Variants in ARSB observed in about 807,000 individuals in gnomAD.
ARSB encodes N-acetylgalactosamine-4-sulfatase.
ARSB carries 41 observed loss-of-function variants against 50.9 expected under a neutral mutation model. The observed-to-expected ratio is 0.81, with a 90% CI of 0.63 to 1.04. The LOEUF is 1.04. Among genes scored for constraint, ARSB ranks in the 50% least tolerant of loss-of-function variants. ARSB has a pLI of 0.00. For missense variants in ARSB, 672 were observed against 693.3 expected (o/e 0.97, Z 0.35); for synonymous variants, 269 against 284.8 (o/e 0.94, Z 0.56).
At chr5:78,785,230 G>A (rs1369931712) in intron 6 of ARSB, among the ~76,000 whole-genome samples, 1 of 149,860 alleles carries the variant, frequency 6.7e-6, no homozygotes, top group Non-Finnish European at 1.5e-5. Context: ...GGCTTAATTT[G>A]TTATTTTTTT....
intron 6 of ARSB, among the ~76,000 whole-genome samples, chr5:78,826,323 G>A (rs1744431239): frequency 6.6e-6 from 1 of 152,114 alleles, no homozygotes; most frequent in South Asian, 2.1e-4. Flanking sequence ...GGGATTACAG[G>A]CATGAGCCAC....
chr5:78,852,407 A>G (rs1460292222), intron 5 of ARSB, among the ~76,000 whole-genome samples: 2 of 152,164 alleles, frequency 1.3e-5, no homozygotes, highest in South Asian at 4.1e-4. Context: ...TGGCTTGTAG[A>G]GTTTCTGCCA....
intron 5 of ARSB, among the ~76,000 whole-genome samples, chr5:78,845,982 C>T (rs1745426446): frequency 6.6e-6 from 1 of 152,076 alleles, no homozygotes; most frequent in Admixed American, 6.6e-5. Context: ...AGCATTTCTC[C>T]TATGTTTTCT....
intron 5 of ARSB, among the ~76,000 whole-genome samples, chr5:78,855,512 G>A (rs1746094059): frequency 6.6e-6 from 1 of 152,182 alleles, no homozygotes; most frequent in Non-Finnish European, 1.5e-5. Context: ...GGGCAGTTCA[G>A]CAATGGCTTA....
intron 5 of ARSB, among the ~76,000 whole-genome samples, chr5:78,865,151 T>G (rs1581061793): frequency 6.6e-6 from 1 of 152,058 alleles, no homozygotes; most frequent in Non-Finnish European, 1.5e-5. Context: ...TTCCCTTCCA[T>G]CCTGCCCTAG....
intron 5 of ARSB, among the ~76,000 whole-genome samples, chr5:78,870,900 G>A (rs1747126679): frequency 6.6e-6 from 1 of 152,194 alleles, no homozygotes; most frequent in African/African-American, 2.4e-5. Context: ...TTACATGATT[G>A]TTTATCTAGA....
At chr5:78,891,828 T>G (rs941436778) in intron 4 of ARSB, among the ~76,000 whole-genome samples, 5 of 152,194 alleles carry the variant, frequency 3.3e-5, no homozygotes, top group Non-Finnish European at 7.4e-5. Flanking sequence ...AAATGATGAC[T>G]AGGTATAAAC....
chr5:78,923,345 C>T (rs1481269413), intron 4 of ARSB, among the ~76,000 whole-genome samples: 7 of 152,218 alleles, frequency 4.6e-5, no homozygotes, highest in Admixed American at 3.3e-4. Context: ...CACATGTGAG[C>T]CCCTCAGTGT....
At chr5:78,823,302 A>G (rs1275971080) in intron 6 of ARSB, among the ~76,000 whole-genome samples, 1 of 152,158 alleles carries the variant, frequency 6.6e-6, no homozygotes, top group East Asian at 1.9e-4. Context: ...CCCAGTGACT[A>G]CTTTGGCCTG....
chr5:78,908,935 G>A (rs183281282), intron 4 of ARSB, among the ~76,000 whole-genome samples: 1 of 152,220 alleles, frequency 6.6e-6, no homozygotes, highest in African/African-American at 2.4e-5. Flanking sequence ...GCTTGAGGGA[G>A]TTAAATAAAA....
intron 4 of ARSB, among the ~76,000 whole-genome samples, chr5:78,913,781 T>A (rs1229804994): frequency 1.3e-5 from 2 of 152,006 alleles, no homozygotes; most frequent in African/African-American, 4.8e-5. Flanking sequence ...GGAAAAAAAA[T>A]TTCTTTGCTA....
chr5:78,874,715 A>T (rs1000571345), intron 5 of ARSB, among the ~76,000 whole-genome samples: 1 of 152,210 alleles, frequency 6.6e-6, no homozygotes, highest in Admixed American at 6.5e-5. Flanking sequence ...TCATAAAGAA[A>T]AACCTAACAC....
intron 4 of ARSB, among the ~76,000 whole-genome samples, chr5:78,947,888 T>G (rs573468889): frequency 6.6e-6 from 1 of 152,296 alleles, no homozygotes; most frequent in South Asian, 2.1e-4. Context: ...AACCTAAGTG[T>G]CCATCAACAG....
chr5:78,967,566 A>G (rs959881715), intron 2 of ARSB, among the ~76,000 whole-genome samples: 1 of 151,932 alleles, frequency 6.6e-6, no homozygotes, highest in Non-Finnish European at 1.5e-5. Flanking sequence ...CCAGCTACTC[A>G]GGAGGCTGAG....
At chr5:78,957,828 A>C (rs977342804) in intron 3 of ARSB, among the ~76,000 whole-genome samples, 1 of 152,024 alleles carries the variant, frequency 6.6e-6, no homozygotes, top group Non-Finnish European at 1.5e-5. Flanking sequence ...CTGACAGTGC[A>C]GTATGGGTCT....
Position 78,941,969 on chromosome 5 carries a change from T to C in ARSB, c.898+13326A>G, listed in dbSNP as rs577657314. 2.2e-3 allele frequency among the ~76,000 whole-genome samples: 328 copies of C among 152,336 alleles called. 2 individuals carry two copies. Among genetic ancestry groups the C allele is most frequent in the African/African-American group, 7.6e-3 (315 of 41,570 alleles). On this transcript the variant is annotated intron_variant, in intron 4 of 7. Coordinates refer to ENST00000264914, the MANE Select transcript of ARSB (RefSeq NM_000046.5). ...TTGTCACAATTTCAGAGCCTGTTATTGGTCTATTCAGAGATTCAACTTCTT... is the reference window on the plus strand; with the variant it reads ...TTGTCACAATTTCAGAGCCTGTTATCGGTCTATTCAGAGATTCAACTTCTT...
chr5:78,861,411 A>G (rs1288752258), intron 5 of ARSB, among the ~76,000 whole-genome samples: 1 of 152,224 alleles, frequency 6.6e-6, no homozygotes, highest in Non-Finnish European at 1.5e-5. Flanking sequence ...AAGCTTATCC[A>G]CCAAGATCAA....
chr5:78,943,300 T>G (rs337873), intron 4 of ARSB, among the ~76,000 whole-genome samples: 34,408 of 152,100 alleles, frequency 0.23, 4,173 homozygotes, highest in East Asian at 0.46. Flanking sequence ...CATATTGTTA[T>G]GTGTGAATTT....
intron 5 of ARSB, among the ~76,000 whole-genome samples, chr5:78,879,478 TA>T (rs1210725259): frequency 6.6e-6 from 1 of 152,230 alleles, no homozygotes; most frequent in Non-Finnish European, 1.5e-5. Context: ...GAAGCAGTCC[TA>T]AGAGAAATTT....
Sources: allele counts gnomAD v4.1 joint callset (sites outside exome capture counted in the v4.1 genomes callset), GRCh38; gene constraint gnomAD v4.1.1; transcripts MANE v1.5; gene names NCBI Gene and HGNC (gene_info 2026-07-23, HGNC 2026-07-21).